The following RFX2 variants were observed in gnomAD, a reference collection of about 807,000 sequenced individuals.
RFX2 encodes DNA-binding protein RFX2.
In RFX2, 20 loss-of-function variants were observed where a neutral mutation model predicts 87.8. The observed-to-expected ratio is 0.23, with a 90% confidence interval of 0.16 to 0.33. RFX2 has a LOEUF of 0.33. Ranked by LOEUF, RFX2 falls within the 10% of genes least tolerant of loss-of-function variation. RFX2 has a pLI of 1.00. For synonymous variants in RFX2, 397 were observed against 431.3 expected, an observed-to-expected ratio of 0.92 and a Z score of 0.98; for missense variants, 767 against 1,012.3, an observed-to-expected ratio of 0.76 and a Z score of 3.29.
intron 4 of RFX2, 73 bp downstream of exon 4, chr19:6,041,971 G>T: frequency 8.4e-7 from 1 of 1,190,340 alleles, no homozygotes; most frequent in Non-Finnish European, 1.3e-6. Context: ...GAATTTGCTT[G>T]ATGCCTCCCC....
In RFX2 at chr19:6,012,959, C is replaced by T; in HGVS notation, c.899+27G>A. 2.7e-6 allele frequency: 4 copies of T among 1,490,192 alleles called. No individual in the cohort carries two copies. The highest frequency in any genetic ancestry group is 3.6e-6 in the Non-Finnish European group (4 of 1,119,032). 92.3% of individuals were successfully genotyped at this position (1,490,192 alleles called of 1,614,324 possible). ...CCTCCATGCTCCAGGGGAGAGCCAG[C>T]TCCTCCCAGCTCGGCCCGGCACCCA... On this transcript the variant is annotated intron_variant, in intron 8 of 17. Coordinates refer to ENST00000303657, the MANE Select transcript of RFX2 (RefSeq NM_000635.4). The surrounding 1 kb of genome is among the most constrained non-coding windows in gnomAD (Gnocchi z 4.6).
chr19:6,029,076 C>CA (rs56768626), intron 5 of RFX2, among the ~76,000 whole-genome samples: 30,128 of 122,200 alleles, frequency 0.25, 3,640 homozygotes, highest in Middle Eastern at 0.38. Context: ...GAGACTGTCT[C>CA]AAAAAAAAAA....
intron 1 of RFX2, among the ~76,000 whole-genome samples, chr19:6,098,180 C>T (rs1437776566): frequency 6.6e-6 from 1 of 151,988 alleles, no homozygotes; most frequent in African/African-American, 2.4e-5. Flanking sequence ...ATAATTTATT[C>T]CAGAGTGTCT....
intron 1 of RFX2, among the ~76,000 whole-genome samples, chr19:6,096,892 A>T (rs1410263026): frequency 6.6e-6 from 1 of 152,140 alleles, no homozygotes; most frequent in African/African-American, 2.4e-5. Context: ...GCCATTGTTG[A>T]GGGCAGCTGG....
intron 15 of RFX2, among the ~76,000 whole-genome samples, chr19:6,000,983 G>A (rs190138677): frequency 6.6e-6 from 1 of 152,298 alleles, no homozygotes; most frequent in Admixed American, 6.5e-5. Flanking sequence ...AGAACTGCAG[G>A]AGGCATCTTG....
chr19:6,031,423 CTT>C (rs58834364), intron 5 of RFX2, among the ~76,000 whole-genome samples: 4 of 90,182 alleles, frequency 4.4e-5, no homozygotes, highest in Non-Finnish European at 5.9e-5. Flanking sequence ...TTCTCCTTCC[CTT>C]TTTTTTTTTT....
At position 6,011,597 on chromosome 19, in the gene RFX2, C is replaced by T. The variant is rs142887203; in HGVS notation, c.900-1346G>A. ...ACACACTGCCTGGAGCACAGGTTCACAGCTGTCTGCCAGGGGCCCAAATTG... is the reference window on the plus strand; with the variant it reads ...ACACACTGCCTGGAGCACAGGTTCATAGCTGTCTGCCAGGGGCCCAAATTG... On this transcript the variant is annotated intron_variant, in intron 8 of 17. Coordinates refer to ENST00000303657, the MANE Select transcript of RFX2 (RefSeq NM_000635.4). This position sits in a 1 kb window ranked among gnomAD's most constrained non-coding sequence, Gnocchi z 4.8. 5.3e-5 allele frequency among the ~76,000 whole-genome samples: 8 copies of T among 152,360 alleles called. No homozygotes were observed. The highest frequency in any genetic ancestry group is 8.8e-5 in the Non-Finnish European group (6 of 68,040).
In RFX2 at chr19:6,012,253, T is replaced by A. The variant is rs2086668437; in HGVS notation, c.899+733A>T. The A allele has an allele frequency of 6.6e-6, 1 of 151,626 alleles. No individual in the cohort carries two copies. The highest frequency in any genetic ancestry group is 1.5e-5 in the Non-Finnish European group (1 of 68,048). 9.4% of individuals were successfully genotyped at this position (151,626 alleles called of 1,614,324 possible). ...AAGAAGAAGTCGTGACTTGAGCACA[T>A]CTGCTTCTTTCTCCTGGCTTCTTGG... is the stretch of plus-strand genomic sequence containing the variant. On this transcript the variant is annotated intron_variant, in intron 8 of 17. Transcript: ENST00000303657. The surrounding 1 kb of genome is among the most constrained non-coding windows in gnomAD (Gnocchi z 4.6).
chr19:6,026,451 G>A lies in RFX2; in HGVS notation c.523-214C>T. On this transcript the variant is annotated intron_variant, in intron 5 of 17. Transcript: ENST00000303657. The surrounding 1 kb of genome is among the most constrained non-coding windows in gnomAD (Gnocchi z 4.5). ...TAGGGAGTGTTGCTTCGCACACGTA[G>A]GTAAGCCCGAGAGCCCGTCCAACAG... The A allele has an allele frequency of 1.7e-6, 1 of 590,768 alleles. No individual in the cohort carries two copies. Among genetic ancestry groups the A allele is most frequent in the Non-Finnish European group, 3.0e-6 (1 of 333,484 alleles). The allele number at this position is 590,768 out of a possible 1,614,324, so 36.6% of individuals were successfully genotyped here.
intron 1 of RFX2, among the ~76,000 whole-genome samples, chr19:6,071,603 T>A (rs2087607541): frequency 6.6e-6 from 1 of 152,254 alleles, no homozygotes; most frequent in South Asian, 2.1e-4. Context: ...AAGGACATTC[T>A]ATTTCTGTCC....
In RFX2 at chr19:6,001,996, C is replaced by G. The variant is rs932827933; in HGVS notation, c.1678G>C (p.Glu560Gln). ...QEQASWVCQC[E>Q]ESVVQRLEQD... ...TCCAGCCGCTGCACCACACTCTCCT[C>G]GCACTGGCACACCCACGAGGCCTGC... Residue 560 changes from glutamate to glutamine, a missense_variant, in exon 15 of 18, where the codon GAG becomes CAG. Glu to Gln is a conservative substitution (Grantham distance 29, BLOSUM62 2). Transcript: ENST00000303657. This position sits in a 1 kb window ranked among gnomAD's most constrained non-coding sequence, Gnocchi z 5.6. The G allele has an allele frequency of 6.2e-7, 1 of 1,610,778 alleles. No homozygotes were observed. The highest frequency in any genetic ancestry group is 8.5e-7 in the Non-Finnish European group (1 of 1,179,706).
rs1269257910 is a variant in RFX2, at chr19:6,041,913, C to G, written c.260+131G>C. 22 of 759,094 alleles carry G rather than the reference C, an allele frequency of 2.9e-5. No homozygotes were observed. In the Admixed American group the frequency reaches 4.0e-4, roughly 14 times the overall value. The allele number at this position is 759,094 out of a possible 1,614,324, so 47.0% of individuals were successfully genotyped here. A position where few individuals can be genotyped will look rare whatever the true frequency, so the allele number is the denominator to read the frequency against. On this transcript the variant is annotated intron_variant, in intron 4 of 17. Coordinates refer to ENST00000303657, the MANE Select transcript of RFX2 (RefSeq NM_000635.4). ...GAGATATTGCCCAGTTTCCTAATAGCATTTTAACAGTATTTAGTGAACACA... is the reference window on the plus strand; with the variant it reads ...GAGATATTGCCCAGTTTCCTAATAGGATTTTAACAGTATTTAGTGAACACA...
chr19:6,076,699 C>T (rs1331084862), intron 1 of RFX2, among the ~76,000 whole-genome samples: 6 of 152,210 alleles, frequency 3.9e-5, no homozygotes, highest in African/African-American at 1.2e-4. Context: ...ACCATTATAA[C>T]GTAACCCACA....
At chr19:6,067,878 G>A (rs945221268) in intron 1 of RFX2, 3 of 152,202 alleles carry the variant, frequency 2.0e-5, no homozygotes, top group Non-Finnish European at 4.4e-5. Flanking sequence ...TCTCAGCGGA[G>A]GTTTGCCCTT....
chr19:6,030,662 T>G (rs2086943482), intron 5 of RFX2, among the ~76,000 whole-genome samples: 1 of 152,170 alleles, frequency 6.6e-6, no homozygotes, highest in Non-Finnish European at 1.5e-5. Context: ...GACGATATTC[T>G]GGAACTAGAT....
In RFX2 at chr19:6,040,668, A is replaced by T. The variant is rs1369471384; in HGVS notation, c.261-427T>A. Among the ~76,000 whole-genome samples, 2 of 152,172 alleles carry T rather than the reference A, an allele frequency of 1.3e-5. No individual in the cohort carries two copies. Among genetic ancestry groups the T allele is most frequent in the African/African-American group, 4.8e-5 (2 of 41,454 alleles). ...CAGCTACTCAGGAGGCTGAGGTGGGAGGACTGCTTGAGCCCAGGACTTTGA... is the reference window on the plus strand; with the variant it reads ...CAGCTACTCAGGAGGCTGAGGTGGGTGGACTGCTTGAGCCCAGGACTTTGA... On this transcript the variant is annotated intron_variant, in intron 4 of 17. Transcript: ENST00000303657. This position sits in a 1 kb window ranked among gnomAD's most constrained non-coding sequence, Gnocchi z 6.1.
rs756287806 is a variant in RFX2, at chr19:6,002,859, G to T, written c.1512C>A (p.Val504=). The stretch of plus-strand genomic sequence containing the variant: ...GCCGCAGCGTCTGGGCGAAGGCACT[G>T]ACGACGCCCACCTGTAAGCCAGGGC... ...QQVIQTKVGV[V]SAFAQTLRRY... The change falls in exon 14 of 18, where the codon GTC becomes GTA. Residue 504 remains valine (V), a synonymous_variant. Transcript: ENST00000303657. This position sits in a 1 kb window ranked among gnomAD's most constrained non-coding sequence, Gnocchi z 6.7. 1.9e-6 allele frequency: 3 copies of T among 1,608,244 alleles called. No homozygotes were observed. The highest frequency in any genetic ancestry group is 2.2e-5 in the South Asian group (2 of 90,628).
At position 6,003,803 on chromosome 19, in the gene RFX2, A is replaced by G. The variant is rs927650015; in HGVS notation, c.1500+398T>C. On this transcript the variant is annotated intron_variant, in intron 13 of 17. Transcript: ENST00000303657. The stretch of plus-strand genomic sequence containing the variant: ...CAAAAAAAAAAAAAAAAAAAAAAAA[A>G]AAAAAGAAATGCTTGTGAGAACGGT... Among the ~76,000 whole-genome samples, 102 of 149,490 alleles carry G rather than the reference A, an allele frequency of 6.8e-4. 1 individual carries two copies. Among genetic ancestry groups the G allele is most frequent in the Admixed American group, 5.4e-4 (8 of 14,918 alleles).
chr19:6,093,118 GGC>G (rs2087965941), intron 1 of RFX2, among the ~76,000 whole-genome samples: 1 of 152,182 alleles, frequency 6.6e-6, no homozygotes, highest in South Asian at 2.1e-4. Context: ...AAGTCCATCA[GGC>G]TCAGCAATTT....
Sources: gnomAD v4.1 joint callset for allele counts (sites outside exome capture counted in the v4.1 genomes callset) on GRCh38, gnomAD v4.1.1 for gene constraint, Gnocchi (gnomAD v3.1) non-coding constraint, MANE v1.5 for transcripts, NCBI Gene and HGNC (gene_info 2026-07-23, HGNC 2026-07-21) for gene names.